TGFBI: variants seen among roughly 807,000 people sequenced by gnomAD.
TGFBI encodes transforming growth factor beta induced.
Under a neutral mutation model 73.7 loss-of-function variants are expected in TGFBI, and 50 were observed. That is an observed-to-expected ratio of 0.68 (90% confidence interval 0.54 to 0.86). The LOEUF is 0.86. Ranked by LOEUF, TGFBI falls within the 40% of genes least tolerant of loss-of-function variation. The pLI, the probability that TGFBI is intolerant of heterozygous loss-of-function variation, is 0.00. For missense variants in TGFBI, 839 were observed against 877.0 expected, an observed-to-expected ratio of 0.96 and a Z score of 0.55; for synonymous variants, 362 against 360.5, an observed-to-expected ratio of 1.00 and a Z score of -0.05.
rs966884626 is a variant in TGFBI at position 136,049,319 on chromosome 5, C to T, written c.772-120C>T. 8.8e-6 allele frequency: 12 copies of T among 1,357,592 alleles called. No homozygotes were observed. In the African/African-American group the frequency reaches 1.2e-4, roughly 13 times the overall value. 84.1% of individuals were successfully genotyped at this position (1,357,592 alleles called of 1,614,324 possible). A position where few individuals can be genotyped will look rare whatever the true frequency, so the allele number is the denominator to read the frequency against. On this transcript the variant is annotated intron_variant, in intron 6 of 16. Coordinates refer to ENST00000442011, the MANE Select transcript of TGFBI (RefSeq NM_000358.3). ...TGAGCTTGGGTTTGGCTTCTGTTTT[C>T]GTCTTGGGCTTCTGTGAAAGCCTCG... is the stretch of plus-strand genomic sequence containing the variant.
rs1443088437 is a variant in TGFBI, at chr5:136,029,023, C to T, written c.-33C>T. The T allele has an allele frequency of 6.6e-7, 1 of 1,515,108 alleles. No homozygotes were observed. Among genetic ancestry groups the T allele is most frequent in the South Asian group, 1.2e-5 (1 of 82,046 alleles). The allele number at this position is 1,515,108 out of a possible 1,614,324, so 93.9% of individuals were successfully genotyped here. A position where few individuals can be genotyped will look rare whatever the true frequency, so the allele number is the denominator to read the frequency against. On this transcript the variant is annotated 5_prime_UTR_variant, in exon 1 of 17. Transcript: ENST00000442011. ...TGGAGCCGCCCGCTTGCCCGTCGGT[C>T]GCTAGCTCGCTCGGTGCGCGTCGTC...
At chr5:136,051,317 C>G (rs1407036646) in intron 7 of TGFBI, among the ~76,000 whole-genome samples, 1 of 152,108 alleles carries the variant, frequency 6.6e-6, no homozygotes, top group African/African-American at 2.4e-5. Context: ...GTAATCCCAG[C>G]TACTCAGGAG....
At chr5:136,045,312 G>A (rs931556709) in intron 3 of TGFBI, among the ~76,000 whole-genome samples, 6 of 152,162 alleles carry the variant, frequency 3.9e-5, no homozygotes, top group African/African-American at 1.4e-4. Context: ...GGAGGCCAAG[G>A]CAGGTGGATC....
rs4572 is a variant in TGFBI at position 136,063,763 on chromosome 5, T to G, written c.*537T>G. 0.34 allele frequency: 53,745 copies of G among 158,964 alleles called. 9,441 individuals are homozygous for G. Among genetic ancestry groups the G allele is most frequent in the South Asian group, 0.45 (2,358 of 5,298 alleles). 9.8% of individuals were successfully genotyped at this position (158,964 alleles called of 1,614,324 possible). Reference sequence around the variant, plus strand: ...AAGAAATGGTATGTAGAGCTTAGATTTCCCTATTGTGACAGAGCCATGGTG... The same window carrying G: ...AAGAAATGGTATGTAGAGCTTAGATGTCCCTATTGTGACAGAGCCATGGTG... On this transcript the variant is annotated 3_prime_UTR_variant, in exon 17 of 17. Transcript: ENST00000442011.
intron 1 of TGFBI, 33 bp downstream of exon 1, chr5:136,029,222 A>T (rs1203706493): frequency 1.4e-6 from 2 of 1,439,644 alleles, no homozygotes; most frequent in Non-Finnish European, 1.8e-6. Flanking sequence ...GGGCTGCGGA[A>T]GGTCAGGTAG....
intron 4 of TGFBI, 52 bp downstream of exon 4, chr5:136,046,547 TC>T (rs756147687): frequency 2.6e-6 from 4 of 1,530,954 alleles, no homozygotes; most frequent in Non-Finnish European, 3.5e-6. Flanking sequence ...CTGCCTTACT[TC>T]CCCGAGGGGT....
chr5:136,041,743 G>A (rs978822449), intron 2 of TGFBI, among the ~76,000 whole-genome samples: 3 of 152,092 alleles, frequency 2.0e-5, no homozygotes, highest in Non-Finnish European at 4.4e-5. Context: ...TTCTCCTGGT[G>A]TCTTTCTTTA....
chr5:136,054,389 G>T (rs1408113852), intron 9 of TGFBI, among the ~76,000 whole-genome samples: 1 of 152,192 alleles, frequency 6.6e-6, no homozygotes, highest in African/African-American at 2.4e-5. Flanking sequence ...TCTATTTGCA[G>T]GGTCACTTGC....
At chr5:136,056,622 A>G in intron 11 of TGFBI, 43 bp from the exon 12 acceptor site, 1 of 1,613,266 alleles carries the variant, frequency 6.2e-7, no homozygotes, top group Non-Finnish European at 8.5e-7. Context: ...ATTTAAGGAA[A>G]ATACCTGTTG....
intron 2 of TGFBI, 148 bp from the exon 3 acceptor site, chr5:136,043,910 T>C: frequency 1.5e-6 from 1 of 669,302 alleles, no homozygotes; most frequent in Non-Finnish European, 2.7e-6. Flanking sequence ...GGCAGACCTA[T>C]GACTTAGCAA....
At chr5:136,040,211 G>T (rs1247112185) in intron 2 of TGFBI, among the ~76,000 whole-genome samples, 1 of 152,120 alleles carries the variant, frequency 6.6e-6, no homozygotes. Flanking sequence ...GAGCCTCCCA[G>T]ACATCCCTAC....
intron 3 of TGFBI, chr5:136,045,836 T>C (rs1042794829): frequency 1.3e-5 from 2 of 152,256 alleles, no homozygotes; most frequent in Non-Finnish European, 2.9e-5. Context: ...TGAAACTCAT[T>C]TTGGTCTTAT....
At chr5:136,052,315 A>G (rs546975341) in intron 7 of TGFBI, among the ~76,000 whole-genome samples, 11 of 152,390 alleles carry the variant, frequency 7.2e-5, no homozygotes, top group African/African-American at 2.6e-4. Context: ...CTTAAGATAT[A>G]TCCTGGCAGC....
chr5:136,043,870 G>C (rs559961934), intron 2 of TGFBI, among the ~76,000 whole-genome samples, 188 bp from the exon 3 acceptor site: 2 of 152,352 alleles, frequency 1.3e-5, no homozygotes, highest in South Asian at 2.1e-4. Flanking sequence ...ACAGAACAGA[G>C]GAGGAGTGAG....
intron 15 of TGFBI, 115 bp from the exon 16 acceptor site, chr5:136,062,548 C>T: frequency 9.0e-7 from 1 of 1,112,168 alleles, no homozygotes. Flanking sequence ...TCCCCTTCCT[C>T]TTCCTCGCCC....
chr5:136,053,021 T>C lies in TGFBI; in HGVS notation c.1028T>C (p.Met343Thr), dbSNP rs770981462. The C allele has an allele frequency of 1.9e-6, 3 of 1,614,050 alleles. No individual in the cohort carries two copies. The highest frequency in any genetic ancestry group is 2.5e-6 in the Non-Finnish European group (3 of 1,179,894). ...CTGGAGGTGGGCTGCAGCGGGGACATGCTCACTATCAACGGGAAGGCGATC... is the reference window on the plus strand; with the variant it reads ...CTGGAGGTGGGCTGCAGCGGGGACACGCTCACTATCAACGGGAAGGCGATC... ...TTLEVGCSGD[M>T]LTINGKAIIS... Residue 343 changes from methionine to threonine, a missense_variant, in exon 8 of 17, where the codon ATG (methionine) becomes ACG (threonine). Transcript: ENST00000442011.
intron 1 of TGFBI, among the ~76,000 whole-genome samples, chr5:136,032,721 G>T (rs1751143163): frequency 6.6e-6 from 1 of 152,164 alleles, no homozygotes; most frequent in South Asian, 2.1e-4. Context: ...GGCTCAGGAA[G>T]ATCAACCCTC....
chr5:136,040,977 CCCAGAAAATTT>C (rs1751322904), intron 2 of TGFBI, among the ~76,000 whole-genome samples: 1 of 152,238 alleles, frequency 6.6e-6, no homozygotes, highest in African/African-American at 2.4e-5. Flanking sequence ...CCACTGCCAG[CCCAGAAAATTT>C]TGGTCAAAGT....
intron 15 of TGFBI, among the ~76,000 whole-genome samples, chr5:136,062,459 G>A (rs1751764852): frequency 6.6e-6 from 1 of 152,048 alleles, no homozygotes; most frequent in Admixed American, 6.5e-5. Context: ...CCACCTGAAG[G>A]CACACTTGAT....
Sources: allele counts gnomAD v4.1 joint callset (sites outside exome capture counted in the v4.1 genomes callset), GRCh38; gene constraint gnomAD v4.1.1; transcripts MANE v1.5; gene names NCBI Gene and HGNC (gene_info 2026-07-23, HGNC 2026-07-21).